CAMTA1: variants seen among roughly 807,000 people sequenced by gnomAD.
CAMTA1 encodes calmodulin binding transcription activator 1, also known as calmodulin-binding transcription activator 1.
Under a neutral mutation model 170.9 loss-of-function variants are expected in CAMTA1, and 27 were observed. The observed-to-expected ratio is 0.16, with a 90% CI of 0.12 to 0.22. The LOEUF (loss-of-function observed/expected upper bound fraction) is 0.22. Among genes scored for constraint, CAMTA1 ranks in the 10% least tolerant of loss-of-function variants. The pLI, the probability that CAMTA1 is intolerant of heterozygous loss-of-function variation, is 1.00. For synonymous variants in CAMTA1, 833 were observed against 891.5 expected, an observed-to-expected ratio of 0.93 and a Z score of 1.17; for missense variants, 1,619 against 2,217.2, an observed-to-expected ratio of 0.73 and a Z score of 5.42.
chr1:7,199,645 C>T (rs931876596), intron 4 of CAMTA1, among the ~76,000 whole-genome samples: 6 of 151,198 alleles, frequency 4.0e-5, no homozygotes, highest in Non-Finnish European at 7.4e-5. Context: ...CAGCCGTGTG[C>T]GCAGGGAGAG....
chr1:6,904,591 A>G (rs1319690951), intron 3 of CAMTA1, among the ~76,000 whole-genome samples: 7 of 141,506 alleles, frequency 4.9e-5, no homozygotes, highest in East Asian at 4.1e-4. Context: ...GTCTTCCTCT[A>G]TCGCCCCAGG....
chr1:7,120,687 C>T (rs995469130), intron 4 of CAMTA1, among the ~76,000 whole-genome samples: 1 of 152,200 alleles, frequency 6.6e-6, no homozygotes, highest in Non-Finnish European at 1.5e-5. Context: ...CTTAGGCTCT[C>T]CCCACCACAG....
intron 4 of CAMTA1, among the ~76,000 whole-genome samples, chr1:7,141,304 G>C (rs1214803485): frequency 6.6e-6 from 1 of 152,092 alleles, no homozygotes; most frequent in African/African-American, 2.4e-5. Context: ...GGCATGTCAG[G>C]GTCCTGCTCC....
At position 7,372,159 on chromosome 1, in the gene CAMTA1, G is replaced by A. The variant is rs2086522444; in HGVS notation, c.439-95671G>A. ...TGGGTTGAGGCTGCCAGGCTTAGCCGTCCTCCTATCCTAAATCCCTCCCCA... is the reference window on the plus strand; with the variant it reads ...TGGGTTGAGGCTGCCAGGCTTAGCCATCCTCCTATCCTAAATCCCTCCCCA... On this transcript the variant is annotated intron_variant, in intron 5 of 22. Coordinates refer to ENST00000303635, the MANE Select transcript of CAMTA1 (RefSeq NM_015215.4). Among the ~76,000 whole-genome samples the A allele has an allele frequency of 3.3e-5, 5 of 152,140 alleles. No individual in the cohort carries two copies. In the South Asian group the frequency reaches 6.2e-4, roughly 19 times the overall value.
intron 5 of CAMTA1, among the ~76,000 whole-genome samples, chr1:7,276,289 A>T (rs1670590489): frequency 1.9e-5 from 1 of 53,508 alleles, no homozygotes; most frequent in African/African-American, 1.5e-4. Flanking sequence ...ATATATATAT[A>T]TATATATATA....
At chr1:6,967,365 TG>T (rs1026965934) in intron 3 of CAMTA1, among the ~76,000 whole-genome samples, 1 of 134,668 alleles carries the variant, frequency 7.4e-6, no homozygotes, top group African/African-American at 2.8e-5. Context: ...TGGGGTGGGG[TG>T]GGGGGTGGAA....
chr1:7,096,087 G>A (rs756062631), intron 4 of CAMTA1, among the ~76,000 whole-genome samples: 5 of 152,166 alleles, frequency 3.3e-5, no homozygotes, highest in Non-Finnish European at 5.9e-5. Flanking sequence ...GAAGCACTAA[G>A]GGTCTCATAA....
intron 5 of CAMTA1, among the ~76,000 whole-genome samples, chr1:7,343,064 GGAAAT>G (rs1321495954): frequency 6.6e-6 from 1 of 152,204 alleles, no homozygotes; most frequent in African/African-American, 2.4e-5. Context: ...CCTGTGGATA[GGAAAT>G]GAAAAGGGTA....
chr1:6,904,733 A>ATTTTTTTT (rs70984036), intron 3 of CAMTA1, among the ~76,000 whole-genome samples: 4 of 70,994 alleles, frequency 5.6e-5, no homozygotes, highest in Non-Finnish European at 9.6e-5. Context: ...TGCCCAGCTA[A>ATTTTTTTT]TTTTTTTTTT....
At chr1:7,123,666 C>A (rs1367463277) in intron 4 of CAMTA1, among the ~76,000 whole-genome samples, 3 of 152,192 alleles carry the variant, frequency 2.0e-5, no homozygotes, top group Non-Finnish European at 4.4e-5. Context: ...CCCTCTGAGC[C>A]CTGGTCACTG....
intron 6 of CAMTA1, among the ~76,000 whole-genome samples, chr1:7,605,226 T>C (rs1337196880): frequency 1.3e-5 from 2 of 152,188 alleles, no homozygotes; most frequent in Non-Finnish European, 2.9e-5. Flanking sequence ...GACAGGGACA[T>C]TTAAGTCTGC....
At position 6,934,272 on chromosome 1, in the gene CAMTA1, G is replaced by A. The variant is rs920090424; in HGVS notation, c.234+109062G>A. Among the ~76,000 whole-genome samples, 103 of 152,304 alleles carry A rather than the reference G, an allele frequency of 6.8e-4. No individual in the cohort carries two copies. The highest frequency in any genetic ancestry group is 2.4e-3 in the African/African-American group (100 of 41,574). Reference sequence around the variant, plus strand: ...AGGTGTCCTCTGAGAAATGTGGACCGGAAGGATGAGGCATGCTCCCGGAAG... The same window carrying A: ...AGGTGTCCTCTGAGAAATGTGGACCAGAAGGATGAGGCATGCTCCCGGAAG... On this transcript the variant is annotated intron_variant, in intron 3 of 22. Transcript: ENST00000303635. This position sits in a 1 kb window ranked among gnomAD's most constrained non-coding sequence, Gnocchi z 4.5.
At chr1:7,115,823 G>A (rs1298181393) in intron 4 of CAMTA1, among the ~76,000 whole-genome samples, 1 of 152,138 alleles carries the variant, frequency 6.6e-6, no homozygotes. Context: ...AGTCAAGCAG[G>A]AGGGCATCTT....
At chr1:6,794,366 A>G (rs1449595988) in intron 1 of CAMTA1, among the ~76,000 whole-genome samples, 1 of 152,208 alleles carries the variant, frequency 6.6e-6, no homozygotes, top group East Asian at 1.9e-4. Context: ...TCTTTCAAAG[A>G]TATTTGTGGT....
chr1:7,461,922 C>T (rs1392193214), intron 5 of CAMTA1, among the ~76,000 whole-genome samples: 1 of 152,260 alleles, frequency 6.6e-6, no homozygotes, highest in Non-Finnish European at 1.5e-5. Flanking sequence ...CATGATCTCC[C>T]ATACGCCTGG....
intron 5 of CAMTA1, among the ~76,000 whole-genome samples, chr1:7,457,857 C>T (rs1355071924): frequency 2.0e-5 from 3 of 152,176 alleles, no homozygotes; most frequent in Non-Finnish European, 4.4e-5. Flanking sequence ...CCTGGCGGGT[C>T]TTCTTGGTGC....
At chr1:7,556,784 C>T (rs943960469) in intron 6 of CAMTA1, among the ~76,000 whole-genome samples, 3 of 152,168 alleles carry the variant, frequency 2.0e-5, no homozygotes, top group African/African-American at 7.2e-5. Flanking sequence ...TCCCCTCCCT[C>T]ACTGCTTGGG....
intron 3 of CAMTA1, among the ~76,000 whole-genome samples, chr1:6,990,799 CTCTCTCTA>C (rs1696237448): frequency 7.7e-6 from 1 of 129,150 alleles, no homozygotes; most frequent in African/African-American, 3.3e-5. Flanking sequence ...CTCTCTCTCT[CTCTCTCTA>C]TATATATATA....
At chr1:6,900,027 T>G (rs1676589680) in intron 3 of CAMTA1, among the ~76,000 whole-genome samples, 1 of 152,238 alleles carries the variant, frequency 6.6e-6, no homozygotes, top group African/African-American at 2.4e-5. Context: ...AAAAATGCTG[T>G]CAACAGCCCC....
Sources: gnomAD v4.1 joint callset for allele counts (sites outside exome capture counted in the v4.1 genomes callset) on GRCh38, gnomAD v4.1.1 for gene constraint, Gnocchi (gnomAD v3.1) non-coding constraint, MANE v1.5 for transcripts, NCBI Gene and HGNC (gene_info 2026-07-23, HGNC 2026-07-21) for gene names.